Variants in PARD3B observed in about 807,000 individuals in gnomAD.
The protein encoded by PARD3B is partitioning defective 3 homolog B.
In PARD3B, 103 loss-of-function variants were observed where a neutral mutation model predicts 130.2. The observed-to-expected ratio is 0.79, with a 90% CI of 0.67 to 0.93. The LOEUF (loss-of-function observed/expected upper bound fraction) is 0.93, where lower values mean the gene tolerates loss of function less well. Ranked by LOEUF, PARD3B falls within the 40% of genes least tolerant of loss-of-function variation. The pLI is 0.00. For missense variants in PARD3B, 1,609 were observed against 1,499.2 expected, an observed-to-expected ratio of 1.07 and a Z score of -1.21; for synonymous variants, 583 against 553.2, an observed-to-expected ratio of 1.05 and a Z score of -0.76.
At chr2:205,022,419 TG>T (rs1262755067) in intron 3 of PARD3B, among the ~76,000 whole-genome samples, 3 of 152,224 alleles carry the variant, frequency 2.0e-5, no homozygotes, top group Non-Finnish European at 4.4e-5. Context: ...TGAATCTTAA[TG>T]GGCTAGAACA....
rs374642035 is a variant in PARD3B, at chr2:204,598,843, G to T, written c.120+52724G>T. 1.9e-4 allele frequency among the ~76,000 whole-genome samples: 29 copies of T among 151,650 alleles called. No individual in the cohort carries two copies. The East Asian group carries it at 4.8e-3, about 25-fold the overall frequency. ...AGATCAATGGATGTACATGTTTTTA[G>T]AACTTTGATATAGTCTTTCTAGAGA... On this transcript the variant is annotated intron_variant, in intron 1 of 22. Transcript: ENST00000406610.
intron 11 of PARD3B, among the ~76,000 whole-genome samples, chr2:205,169,931 C>CTTT (rs35332758): frequency 7.0e-6 from 1 of 142,062 alleles, no homozygotes; most frequent in African/African-American, 2.6e-5. Context: ...TCCCCCCACC[C>CTTT]TTTTTTTTTT....
intron 1 of PARD3B, among the ~76,000 whole-genome samples, chr2:204,667,343 T>A (rs2036071582): frequency 6.6e-6 from 1 of 151,942 alleles, no homozygotes; most frequent in African/African-American, 2.4e-5. Flanking sequence ...ACTCAATTTT[T>A]TTACCTTAAA....
intron 2 of PARD3B, among the ~76,000 whole-genome samples, chr2:204,757,988 T>G (rs2040750063): frequency 6.6e-6 from 1 of 152,160 alleles, no homozygotes; most frequent in African/African-American, 2.4e-5. Context: ...ACAAACCACT[T>G]CAAAACCTAA....
chr2:204,932,024 T>A (rs1032981619), intron 2 of PARD3B, among the ~76,000 whole-genome samples: 18 of 152,102 alleles, frequency 1.2e-4, no homozygotes, highest in Admixed American at 2.6e-4. Flanking sequence ...TTACCATCCC[T>A]TTGTCTACAT....
intron 1 of PARD3B, among the ~76,000 whole-genome samples, chr2:204,578,166 C>T (rs2032365002): frequency 6.6e-6 from 1 of 152,160 alleles, no homozygotes; most frequent in South Asian, 2.1e-4. Context: ...GCCTTTTTCT[C>T]TAAGAGGAAT....
chr2:205,438,099 T>TTTATTTTCTGA (rs2047580951), intron 19 of PARD3B, among the ~76,000 whole-genome samples: 1 of 152,002 alleles, frequency 6.6e-6, no homozygotes, highest in Non-Finnish European at 1.5e-5. Flanking sequence ...TCAGAGAAAT[T>TTTATTTTCTGA]ACTATTTTAC....
rs1031794621 is a variant in PARD3B, at chr2:205,575,347, G to T, written c.3260+21944G>T. On this transcript the variant is annotated intron_variant, in intron 22 of 22. Transcript: ENST00000406610. The surrounding 1 kb of genome is among the most constrained non-coding windows in gnomAD (Gnocchi z 4.6). ...CATTCCCAACTGCAGTGGTAAAACT[G>T]TTACATCTGATGACCCTGCATTGAC... 1.3e-5 allele frequency among the ~76,000 whole-genome samples: 2 copies of T among 151,388 alleles called. No homozygotes were observed. Among genetic ancestry groups the T allele is most frequent in the Admixed American group, 6.6e-5 (1 of 15,158 alleles).
chr2:204,684,681 A>G (rs532393079), intron 1 of PARD3B, among the ~76,000 whole-genome samples: 1 of 152,280 alleles, frequency 6.6e-6, no homozygotes, highest in Admixed American at 6.5e-5. Flanking sequence ...GGTTAAAGAA[A>G]CTGAATAATG....
intron 18 of PARD3B, among the ~76,000 whole-genome samples, chr2:205,390,274 T>G (rs1357874747): frequency 6.6e-6 from 1 of 151,766 alleles, no homozygotes; most frequent in Non-Finnish European, 1.5e-5. Context: ...AGGCAAAATT[T>G]TATATATTAG....
chr2:204,634,406 A>C (rs1233275186), intron 1 of PARD3B, among the ~76,000 whole-genome samples: 1 of 152,196 alleles, frequency 6.6e-6, no homozygotes, highest in Admixed American at 6.5e-5. Context: ...GGATACTTAA[A>C]GTTGCTTCCA....
At chr2:204,844,475 T>C (rs2044385500) in intron 2 of PARD3B, among the ~76,000 whole-genome samples, 1 of 152,196 alleles carries the variant, frequency 6.6e-6, no homozygotes, top group Non-Finnish European at 1.5e-5. Context: ...AATGTTTATA[T>C]TTATGGAAAC....
chr2:205,128,102 C>T lies in PARD3B; in HGVS notation c.1434+2365C>T, dbSNP rs2031639362. Among the ~76,000 whole-genome samples, 1 of 152,156 alleles carries T rather than the reference C, an allele frequency of 6.6e-6. No individual in the cohort carries two copies. The highest frequency in any genetic ancestry group is 1.5e-5 in the Non-Finnish European group (1 of 68,026). On this transcript the variant is annotated intron_variant, in intron 10 of 22. Transcript: ENST00000406610. The surrounding 1 kb of genome is among the most constrained non-coding windows in gnomAD (Gnocchi z 4.5). ...CCTCAGTGGAACTATGTGCTTATTT[C>T]TGAGATAGGAGAGCAAAGAAATAAG...
chr2:205,554,747 T>C (rs1335959582), intron 22 of PARD3B, among the ~76,000 whole-genome samples: 1 of 152,226 alleles, frequency 6.6e-6, no homozygotes, highest in Non-Finnish European at 1.5e-5. Context: ...CATGTCATTA[T>C]TCCCTAAACA....
At chr2:204,616,298 G>C (rs1037199915) in intron 1 of PARD3B, among the ~76,000 whole-genome samples, 3 of 152,080 alleles carry the variant, frequency 2.0e-5, no homozygotes, top group African/African-American at 4.8e-5. Context: ...ACCCAATTAA[G>C]AAATGGGCCA....
At chr2:204,749,926 TAAA>T (rs1226558049) in intron 2 of PARD3B, among the ~76,000 whole-genome samples, 1 of 152,192 alleles carries the variant, frequency 6.6e-6, no homozygotes, top group African/African-American at 2.4e-5. Context: ...TTAAAGTAAT[TAAA>T]AACATTTGGC....
intron 18 of PARD3B, among the ~76,000 whole-genome samples, chr2:205,329,341 T>G (rs1217636808): frequency 6.6e-6 from 1 of 152,230 alleles, no homozygotes; most frequent in Non-Finnish European, 1.5e-5. Flanking sequence ...AAGTAGCTCC[T>G]ATTCAAGAGA....
At chr2:205,479,218 A>T (rs1317875714) in intron 20 of PARD3B, among the ~76,000 whole-genome samples, 1 of 152,180 alleles carries the variant, frequency 6.6e-6, no homozygotes, top group East Asian at 1.9e-4. Flanking sequence ...GCCCTTGCAC[A>T]TGGCCTCCCT....
chr2:205,161,818 A>G (rs896662963), intron 11 of PARD3B, among the ~76,000 whole-genome samples: 3 of 152,206 alleles, frequency 2.0e-5, no homozygotes, highest in African/African-American at 4.8e-5. Flanking sequence ...CATACCACTA[A>G]TTAGTTCTCA....
Sources: allele counts gnomAD v4.1 joint callset (sites outside exome capture counted in the v4.1 genomes callset), GRCh38; gene constraint gnomAD v4.1.1; non-coding constraint Gnocchi (gnomAD v3.1); transcripts MANE v1.5; gene names NCBI Gene and HGNC (gene_info 2026-07-23, HGNC 2026-07-21).